IGSF22: variants seen among roughly 807,000 people sequenced by gnomAD.
IGSF22 encodes immunoglobulin superfamily, member 22.
A neutral mutation model predicts 127.0 loss-of-function variants in IGSF22; 119 were observed. The ratio of observed to expected loss-of-function variants is 0.94; its 90% confidence interval spans 0.81 to 1.09. The LOEUF (loss-of-function observed/expected upper bound fraction) is 1.09. IGSF22 is among the 50% of genes least tolerant of loss of function. The probability of loss-of-function intolerance (pLI) is 0.00; values close to 1 mark genes in which losing one functional copy is unlikely to be tolerated. For missense variants in IGSF22, 1,518 were observed against 1,716.6 expected (o/e 0.88, Z 2.04); for synonymous variants, 568 against 664.7 (o/e 0.85, Z 2.24).
rs775023007 is a variant in IGSF22, at chr11:18,712,208, CTT to C, written c.2270_2271del (p.Lys757SerfsTer29). ...ACCTTGTTGGTGGAGAAGTTGGTGA[CTT>C]TGCCGTCCACCTCGCCTATCTTAAT... is the stretch of plus-strand genomic sequence containing the variant. Reference protein sequence around the residue: ...SWIKIGEVDGKVTNFSTNKVE... With the variant: ...SWIKIGEVDGXVTNFSTNKVE... On this transcript the variant is annotated frameshift_variant, in exon 15 of 23. Coordinates refer to ENST00000513874, the MANE Select transcript of IGSF22 (RefSeq NM_173588.4). LOFTEE classifies it high-confidence loss of function. 57 of 1,551,640 alleles carry C rather than the reference CTT, an allele frequency of 3.7e-5. No homozygotes were observed. Among genetic ancestry groups the C allele is most frequent in the Non-Finnish European group, 4.8e-5 (55 of 1,147,014 alleles).
Position 18,709,331 on chromosome 11 carries a change from G to A in IGSF22, c.2998+56C>T, listed in dbSNP as rs936737671. The stretch of plus-strand genomic sequence containing the variant: ...TCCTGTGGGATGAGGCCCCAGAGGA[G>A]AAGGTTTGGAGGTACAATGTTGGGC... On this transcript the variant is annotated intron_variant, in intron 18 of 22. Coordinates refer to ENST00000513874, the MANE Select transcript of IGSF22 (RefSeq NM_173588.4). The surrounding 1 kb of genome is among the most constrained non-coding windows in gnomAD (Gnocchi z 4.8). 1.9e-6 allele frequency: 3 copies of A among 1,540,048 alleles called. No individual in the cohort carries two copies. The African/African-American group carries it at 4.1e-5, about 21-fold the overall frequency.
At chr11:18,720,033 T>C (rs1204885257) in intron 6 of IGSF22, 31 bp downstream of exon 6, 1 of 1,613,478 alleles carries the variant, frequency 6.2e-7, no homozygotes, top group Non-Finnish European at 8.5e-7. Context: ...GAGGAGACAA[T>C]ATCTTGGGCA....
chr11:18,706,884 C>T (rs1848246426), intron 21 of IGSF22, 30 bp downstream of exon 21: 5 of 1,466,028 alleles, frequency 3.4e-6, no homozygotes, highest in Non-Finnish European at 4.5e-6. Context: ...GGCACCCAGA[C>T]TTAACCCTAA....
At chr11:18,714,697 A>G (rs2134163865) in intron 11 of IGSF22, 73 bp from the exon 12 acceptor site, 8 of 1,579,788 alleles carry the variant, frequency 5.1e-6, no homozygotes, top group Admixed American at 3.5e-5. Context: ...AAGGGCTGGT[A>G]GCGATGGTCA....
At chr11:18,725,217 T>C (rs553263635) in intron 1 of IGSF22, among the ~76,000 whole-genome samples, 1 of 152,092 alleles carries the variant, frequency 6.6e-6, no homozygotes, top group Admixed American at 6.6e-5. Context: ...AACCTCCTCC[T>C]CTCGAATTCA....
intron 7 of IGSF22, 74 bp downstream of exon 7, chr11:18,719,642 A>G (rs1848530545): frequency 1.4e-6 from 2 of 1,460,054 alleles, no homozygotes; most frequent in Non-Finnish European, 1.9e-6. Flanking sequence ...TTGCTGAGAA[A>G]TACACAGGCA....
rs551590414 is a variant in IGSF22, at chr11:18,707,394, G to C, written c.3281-181C>G. ...CCATTTACTAGCCTCGTGACCTGGGGTAAGTTACTTATCTGAGACTTCTTT... is the reference window on the plus strand; with the variant it reads ...CCATTTACTAGCCTCGTGACCTGGGCTAAGTTACTTATCTGAGACTTCTTT... On this transcript the variant is annotated intron_variant, in intron 20 of 22. Transcript: ENST00000513874. 1.2e-4 allele frequency: 71 copies of C among 581,880 alleles called. No individual in the cohort carries two copies. In the Middle Eastern group the frequency reaches 1.8e-3, roughly 15 times the overall value. 36.0% of individuals were successfully genotyped at this position (581,880 alleles called of 1,614,324 possible). A position where few individuals can be genotyped will look rare whatever the true frequency, so the allele number is the denominator to read the frequency against.
chr11:18,704,404 G>A lies in IGSF22; in HGVS notation c.*64C>T. 9.2e-7 allele frequency: 1 copy of A among 1,089,452 alleles called. No individual in the cohort carries two copies. Among genetic ancestry groups the A allele is most frequent in the Non-Finnish European group, 1.4e-6 (1 of 726,396 alleles). The allele number at this position is 1,089,452 out of a possible 1,614,324, so 67.5% of individuals were successfully genotyped here. ...AACTGGGCTTCCTACACTGGGCCATGCAGAGGACAGGCCAAGAAACTCCAC... is the reference window on the plus strand; with the variant it reads ...AACTGGGCTTCCTACACTGGGCCATACAGAGGACAGGCCAAGAAACTCCAC... On this transcript the variant is annotated 3_prime_UTR_variant, in exon 23 of 23. Transcript: ENST00000513874.
chr11:18,715,833 G>T, intron 10 of IGSF22, 117 bp from the exon 11 acceptor site: 1 of 1,138,500 alleles, frequency 8.8e-7, no homozygotes, highest in Non-Finnish European at 1.3e-6. Flanking sequence ...AACTTGTGAT[G>T]CTGAATGTGT....
At position 18,709,818 on chromosome 11, in the gene IGSF22, G is replaced by A; in HGVS notation, c.2702-135C>T. 1 of 832,468 alleles carries A rather than the reference G, an allele frequency of 1.2e-6. No homozygotes were observed. The highest frequency in any genetic ancestry group is 1.8e-6 in the Non-Finnish European group (1 of 541,822). The allele number at this position is 832,468 out of a possible 1,614,324, so 51.6% of individuals were successfully genotyped here. On this transcript the variant is annotated intron_variant, in intron 17 of 22. Coordinates refer to ENST00000513874, the MANE Select transcript of IGSF22 (RefSeq NM_173588.4). This position sits in a 1 kb window ranked among gnomAD's most constrained non-coding sequence, Gnocchi z 4.8. ...CCAGATCCCTCAGTTAACACCCTTA[G>A]TACCTAGCCTTATACACTCAACCTC... is the stretch of plus-strand genomic sequence containing the variant.
chr11:18,707,205 G>A lies in IGSF22; in HGVS notation c.3289C>T (p.Arg1097Trp), dbSNP rs1848255989. The change falls in exon 21 of 23, where the codon CGG (arginine) becomes TGG (tryptophan). Residue 1097 changes from arginine (R) to tryptophan (W), a missense_variant. Physicochemically the swap from Arg to Trp is moderately radical, Grantham distance 101. Around this residue, in one of 3 missense-constraint regions of IGSF22, gnomAD observed 1,456 missense variants for 1,644.9 expected, o/e 0.89. Transcript: ENST00000513874. Reference protein sequence around the residue: ...DIHVRVADFPRPPTNLRLFEE... With the variant: ...DIHVRVADFPWPPTNLRLFEE... ...AACAACCGTAGGTTTGTGGGGGGCCGAGGGAAATCTGGAAGAGTTGGAAGA... is the reference window on the plus strand; with the variant it reads ...AACAACCGTAGGTTTGTGGGGGGCCAAGGGAAATCTGGAAGAGTTGGAAGA... 1.3e-6 allele frequency: 2 copies of A among 1,528,258 alleles called. No homozygotes were observed. Among genetic ancestry groups the A allele is most frequent in the Non-Finnish European group, 1.8e-6 (2 of 1,132,662 alleles). 94.7% of individuals were successfully genotyped at this position (1,528,258 alleles called of 1,614,324 possible). A position where few individuals can be genotyped will look rare whatever the true frequency, so the allele number is the denominator to read the frequency against.
In IGSF22 at chr11:18,712,122, GTCAC is replaced by G; in HGVS notation, c.2354_2357del (p.Ser785ThrfsTer14). ...CAAACACTTCTTCTGTCTCCAGTGG[GTCAC>G]TCACACCTTCTGAATTGACTGCCAG... On this transcript the variant is annotated frameshift_variant, in exon 15 of 23. Transcript: ENST00000513874. LOFTEE classifies it high-confidence loss of function. The G allele has an allele frequency of 6.4e-7, 1 of 1,551,668 alleles. No homozygotes were observed. The highest frequency in any genetic ancestry group is 8.7e-7 in the Non-Finnish European group (1 of 1,146,964).
Position 18,719,712 on chromosome 11 carries a change from T to G in IGSF22, c.696+4A>C, listed in dbSNP as rs765643722. 1 of 1,613,906 alleles carries G rather than the reference T, an allele frequency of 6.2e-7. No homozygotes were observed. Among genetic ancestry groups the G allele is most frequent in the Non-Finnish European group, 8.5e-7 (1 of 1,179,952 alleles). ...CAGGCCCCTGCTCCCTGCAGGGTAC[T>G]TACCTCCACCTCTACTTTCTTCTTC... is the stretch of plus-strand genomic sequence containing the variant. On this transcript the variant is annotated splice_donor_region_variant and intron_variant, in intron 7 of 22. Coordinates refer to ENST00000513874, the MANE Select transcript of IGSF22 (RefSeq NM_173588.4).
chr11:18,724,329 T>G (rs1590459356), intron 1 of IGSF22, 60 bp from the exon 2 acceptor site: 1 of 844,218 alleles, frequency 1.2e-6, no homozygotes, highest in Non-Finnish European at 2.0e-6. Flanking sequence ...GATTCAGAGA[T>G]GTTATGTGTG....
intron 1 of IGSF22, 56 bp from the exon 2 acceptor site, chr11:18,724,325 G>T: frequency 1.1e-6 from 1 of 885,028 alleles, no homozygotes; most frequent in Non-Finnish European, 1.9e-6. Flanking sequence ...GGGAGATTCA[G>T]AGATGTTATG....
At position 18,719,906 on chromosome 11, in the gene IGSF22, G is replaced by T. The variant is rs777948480; in HGVS notation, c.519-13C>A. ...AGCAGGGGGTGCCCTAGGAGAAGGAGGAAGGGACTAAGCTTGTACACAATG... is the reference window on the plus strand; with the variant it reads ...AGCAGGGGGTGCCCTAGGAGAAGGATGAAGGGACTAAGCTTGTACACAATG... On this transcript the variant is annotated splice_polypyrimidine_tract_variant and intron_variant, in intron 6 of 22. Transcript: ENST00000513874. 21 of 1,613,914 alleles carry T rather than the reference G, an allele frequency of 1.3e-5. No individual in the cohort carries two copies. Among genetic ancestry groups the T allele is most frequent in the Non-Finnish European group, 9.3e-6 (11 of 1,179,968 alleles).
intron 18 of IGSF22, among the ~76,000 whole-genome samples, chr11:18,708,620 C>G (rs1220610825): frequency 3.3e-5 from 5 of 152,360 alleles, no homozygotes; most frequent in African/African-American, 1.2e-4. Flanking sequence ...CAACCCCCAT[C>G]TTGCCTTTAC....
At chr11:18,720,023 G>A in intron 6 of IGSF22, 41 bp downstream of exon 6, 2 of 1,612,932 alleles carry the variant, frequency 1.2e-6, no homozygotes, top group Non-Finnish European at 1.7e-6. Flanking sequence ...TGGCCTGGAT[G>A]AGGAGACAAT....
rs1262465510 is a variant in IGSF22, at chr11:18,714,078, G to A, written c.1869C>T (p.His623=). The A allele has an allele frequency of 6.2e-7, 1 of 1,614,266 alleles. No individual in the cohort carries two copies. The highest frequency in any genetic ancestry group is 1.3e-5 in the African/African-American group (1 of 75,080). The change falls in exon 14 of 23, where the codon CAC becomes CAT. Residue 623 remains histidine (H), a synonymous_variant. Transcript: ENST00000513874. The part of the protein sequence containing the change: ...AAHAITVKVG[H]TAHIKVPFRG... The stretch of plus-strand genomic sequence containing the variant: ...GGAAGGGGACCTTGATGTGGGCCGT[G>A]TGGCCTACCTTCACAGTGATGGCGT...
Sources: gnomAD v4.1 joint callset for allele counts (sites outside exome capture counted in the v4.1 genomes callset) on GRCh38, gnomAD v4.1.1 for gene constraint, gnomAD v4.1.1 regional missense constraint, Gnocchi (gnomAD v3.1) non-coding constraint, MANE v1.5 for transcripts, NCBI Gene and HGNC (gene_info 2026-07-23, HGNC 2026-07-21) for gene names.